The following CHST12 variants were observed in gnomAD, a reference collection of about 807,000 sequenced individuals.
CHST12 encodes the protein carbohydrate (chondroitin 4) sulfotransferase 12.
Under a neutral mutation model 27.9 loss-of-function variants are expected in CHST12, and 23 were observed. That is an observed-to-expected ratio of 0.82 (90% CI 0.59 to 1.17). The LOEUF (loss-of-function observed/expected upper bound fraction) is 1.17, where lower values mean the gene tolerates loss of function less well. Among genes scored for constraint, CHST12 ranks in the 50% most tolerant of loss-of-function variants. The pLI, the probability that CHST12 is intolerant of heterozygous loss-of-function variation, is 0.00. For synonymous variants in CHST12, 322 were observed against 273.0 expected (o/e 1.18, Z -1.77); for missense variants, 682 against 603.0 (o/e 1.13, Z -1.37).
chr7:2,405,180 C>G (rs972771482), intron 1 of CHST12, among the ~76,000 whole-genome samples: 35 of 152,174 alleles, frequency 2.3e-4, no homozygotes, highest in African/African-American at 7.9e-4. Context: ...CGAGGTGGCT[C>G]GTGACTGTAA....
intron 1 of CHST12, among the ~76,000 whole-genome samples, chr7:2,423,717 C>T (rs1782036328): frequency 1.3e-5 from 2 of 152,212 alleles, no homozygotes; most frequent in Non-Finnish European, 2.9e-5. Flanking sequence ...CAGCTCCTTT[C>T]ATGTGGAAGC....
intron 1 of CHST12, among the ~76,000 whole-genome samples, chr7:2,422,934 C>T (rs1782016013): frequency 6.6e-6 from 1 of 150,798 alleles, no homozygotes; most frequent in South Asian, 2.1e-4. Context: ...TGTTACACAT[C>T]CTCGAGAGGG....
chr7:2,434,164 C>T lies in CHST12; in HGVS notation c.*280C>T, dbSNP rs912977143. 15 of 258,516 alleles carry T rather than the reference C, an allele frequency of 5.8e-5. No individual in the cohort carries two copies. Among genetic ancestry groups the T allele is most frequent in the Admixed American group, 1.1e-4 (2 of 18,658 alleles). 16.0% of individuals were successfully genotyped at this position (258,516 alleles called of 1,614,324 possible). A position where few individuals can be genotyped will look rare whatever the true frequency, so the allele number is the denominator to read the frequency against. On this transcript the variant is annotated 3_prime_UTR_variant, in exon 2 of 2. Transcript: ENST00000618655. The stretch of plus-strand genomic sequence containing the variant: ...CGCTCCTGTGGTTTTTCTGAGCGTG[C>T]GGGCGCCGGGAGGGGATGCTGAGGC...
rs776736414 is a variant in CHST12 at position 2,432,915 on chromosome 7, T to C, written c.276T>C (p.Pro92=). Residue 92 remains proline (P), a synonymous_variant, in exon 2 of 2, where the codon CCT becomes CCC. Coordinates refer to ENST00000618655, the MANE Select transcript of CHST12 (RefSeq NM_018641.5). ...CCAGAAAGGAGACGGAGCAGCCGCC[T>C]GCGCCGGGGAGCATGGAGGAGAGCG... is the stretch of plus-strand genomic sequence containing the variant. ...DLPRKETEQP[P]APGSMEESVR... The C allele has an allele frequency of 6.2e-6, 10 of 1,613,044 alleles. No homozygotes were observed. Among genetic ancestry groups the C allele is most frequent in the Non-Finnish European group, 8.5e-6 (10 of 1,179,794 alleles).
At position 2,447,668 on chromosome 7, in the gene CHST12, T is replaced by C. The variant is rs1782787994; in HGVS notation, c.*13784T>C. On this transcript the variant is annotated 3_prime_UTR_variant, in exon 2 of 2. Coordinates refer to ENST00000618655, the MANE Select transcript of CHST12 (RefSeq NM_018641.5). ...TTGTATTTTTAGTAGAGATGAGGTT[T>C]CACCATGTTGGCCAGGCTGGTCTCG... The C allele has an allele frequency of 6.6e-6, 1 of 152,192 alleles. No individual in the cohort carries two copies. The highest frequency in any genetic ancestry group is 2.1e-4 in the South Asian group (1 of 4,824). 9.4% of individuals were successfully genotyped at this position (152,192 alleles called of 1,614,324 possible). A position where few individuals can be genotyped will look rare whatever the true frequency, so the allele number is the denominator to read the frequency against.
chr7:2,447,967 C>T lies in CHST12; in HGVS notation c.*14083C>T, dbSNP rs899723466. ...GCTCTCAGCTCCCTGCACCGTCCAC[C>T]TCCTGGGTTCAAGCGCTTCTTCCCC... is the stretch of plus-strand genomic sequence containing the variant. On this transcript the variant is annotated 3_prime_UTR_variant, in exon 2 of 2. Transcript: ENST00000618655. The T allele has an allele frequency of 5.3e-5, 8 of 152,104 alleles. No individual in the cohort carries two copies. The highest frequency in any genetic ancestry group is 1.9e-4 in the African/African-American group (8 of 41,404). 9.4% of individuals were successfully genotyped at this position (152,104 alleles called of 1,614,324 possible).
rs925511792 is a variant in CHST12, at chr7:2,436,375, C to T, written c.*2491C>T. On this transcript the variant is annotated 3_prime_UTR_variant, in exon 2 of 2. Coordinates refer to ENST00000618655, the MANE Select transcript of CHST12 (RefSeq NM_018641.5). Reference sequence around the variant, plus strand: ...GAAATGGAGTCACACAGTATTGGTCCTTTTGGGACTGAAGTACTTCACCTC... The same window carrying T: ...GAAATGGAGTCACACAGTATTGGTCTTTTTGGGACTGAAGTACTTCACCTC... The T allele has an allele frequency of 5.3e-5, 8 of 152,232 alleles. No individual in the cohort carries two copies. The highest frequency in any genetic ancestry group is 1.2e-4 in the Non-Finnish European group (8 of 68,066). The allele number at this position is 152,232 out of a possible 1,614,324, so 9.4% of individuals were successfully genotyped here.
At chr7:2,406,988 A>G (rs894959587) in intron 1 of CHST12, among the ~76,000 whole-genome samples, 11 of 152,168 alleles carry the variant, frequency 7.2e-5, no homozygotes, top group African/African-American at 2.7e-4. Context: ...CTCTAAAAAA[A>G]AGCCACCAAA....
chr7:2,418,271 T>A (rs1338811234), intron 1 of CHST12, among the ~76,000 whole-genome samples: 1 of 152,254 alleles, frequency 6.6e-6, no homozygotes, highest in Non-Finnish European at 1.5e-5. Flanking sequence ...TCTGTCAGCC[T>A]AACCACAGTG....
intron 1 of CHST12, among the ~76,000 whole-genome samples, chr7:2,418,786 C>T (rs1781880154): frequency 7.0e-6 from 1 of 142,592 alleles, no homozygotes; most frequent in African/African-American, 2.8e-5. Context: ...GCTGTTGTTT[C>T]TGTTGCTGTT....
In CHST12 at chr7:2,438,663, G is replaced by A. The variant is rs1229048269; in HGVS notation, c.*4779G>A. The A allele has an allele frequency of 1.3e-5, 2 of 152,198 alleles. No individual in the cohort carries two copies. Among genetic ancestry groups the A allele is most frequent in the African/African-American group, 2.4e-5 (1 of 41,438 alleles). 9.4% of individuals were successfully genotyped at this position (152,198 alleles called of 1,614,324 possible). A position where few individuals can be genotyped will look rare whatever the true frequency, so the allele number is the denominator to read the frequency against. On this transcript the variant is annotated 3_prime_UTR_variant, in exon 2 of 2. Coordinates refer to ENST00000618655, the MANE Select transcript of CHST12 (RefSeq NM_018641.5). ...GTAATTAACCTAAAAGTCTTTAAAC[G>A]TTTCTCCCGAGTGTTGGAGTGACTG...
rs369631627 is a variant in CHST12 at position 2,433,180 on chromosome 7, G to A, written c.541G>A (p.Val181Met). The A allele has an allele frequency of 1.2e-5, 20 of 1,612,924 alleles. No homozygotes were observed. Among genetic ancestry groups the A allele is most frequent in the Middle Eastern group, 1.6e-4 (1 of 6,084 alleles). Reference sequence around the variant, plus strand: ...GGTGGCCTGCACCAACTGGAAGCGCGTGATGATCGTGCTGAGCGGAAGCCT... The same window carrying A: ...GGTGGCCTGCACCAACTGGAAGCGCATGATGATCGTGCTGAGCGGAAGCCT... ...PKVACTNWKR[V>M]MIVLSGSLLH... The change falls in exon 2 of 2, where the codon GTG becomes ATG. Residue 181 changes from valine to methionine, a missense_variant. Coordinates refer to ENST00000618655, the MANE Select transcript of CHST12 (RefSeq NM_018641.5). The surrounding 1 kb of genome is among the most constrained non-coding windows in gnomAD (Gnocchi z 6.1).
intron 1 of CHST12, among the ~76,000 whole-genome samples, chr7:2,407,775 C>A (rs1781561405): frequency 6.6e-6 from 1 of 151,574 alleles, no homozygotes; most frequent in Non-Finnish European, 1.5e-5. Context: ...ACTAAAAATA[C>A]AAAAATTAGC....
chr7:2,422,520 C>T (rs1782004825), intron 1 of CHST12, among the ~76,000 whole-genome samples: 1 of 152,032 alleles, frequency 6.6e-6, no homozygotes, highest in African/African-American at 2.4e-5. Flanking sequence ...TCTGGGATTA[C>T]AGGCGTGAGC....
At chr7:2,432,479 AC>A in intron 1 of CHST12, 83 bp from the exon 2 acceptor site, 2 of 836,226 alleles carry the variant, frequency 2.4e-6, no homozygotes, top group Middle Eastern at 3.6e-4. Context: ...GCTCCTCCGG[AC>A]CCCAGTCCCC....
intron 1 of CHST12, among the ~76,000 whole-genome samples, chr7:2,426,011 C>A (rs138454155): frequency 6.6e-6 from 1 of 151,788 alleles, no homozygotes; most frequent in Non-Finnish European, 1.5e-5. Flanking sequence ...CTGGGGACGA[C>A]GGGGCTCGCT....
rs1410626924 is a variant in CHST12, at chr7:2,434,492, T to A, written c.*608T>A. 1 of 157,664 alleles carries A rather than the reference T, an allele frequency of 6.3e-6. No homozygotes were observed. The highest frequency in any genetic ancestry group is 1.5e-5 in the Non-Finnish European group (1 of 67,770). The allele number at this position is 157,664 out of a possible 1,614,324, so 9.8% of individuals were successfully genotyped here. The stretch of plus-strand genomic sequence containing the variant: ...CCGGGCGGGTGACTCAGGCAGGTAA[T>A]CCCAGAACTTTGGGAGGCCCAGACA... On this transcript the variant is annotated 3_prime_UTR_variant, in exon 2 of 2. Transcript: ENST00000618655.
At chr7:2,423,415 G>A (rs1389589421) in intron 1 of CHST12, among the ~76,000 whole-genome samples, 3 of 152,192 alleles carry the variant, frequency 2.0e-5, no homozygotes, top group African/African-American at 7.2e-5. Flanking sequence ...TGAGGAATGC[G>A]GTGGGGGCCA....
At chr7:2,427,364 A>G (rs1486028225) in intron 1 of CHST12, among the ~76,000 whole-genome samples, 1 of 152,036 alleles carries the variant, frequency 6.6e-6, no homozygotes, top group Non-Finnish European at 1.5e-5. Flanking sequence ...AGCCCGGCCC[A>G]GTGGTGTGTA....
Sources: allele counts gnomAD v4.1 joint callset (sites outside exome capture counted in the v4.1 genomes callset), GRCh38; gene constraint gnomAD v4.1.1; non-coding constraint Gnocchi (gnomAD v3.1); transcripts MANE v1.5; gene names NCBI Gene and HGNC (gene_info 2026-07-23, HGNC 2026-07-21).